The following PARM1 variants were observed in gnomAD, a reference collection of about 807,000 sequenced individuals.
PARM1 encodes the protein WSC4, cell wall integrity and stress response component 4 homolog.
PARM1 carries 14 observed loss-of-function variants against 24.6 expected under a neutral mutation model. The observed-to-expected ratio is 0.57, with a 90% CI of 0.38 to 0.89. PARM1 has a LOEUF of 0.89. Among genes scored for constraint, PARM1 ranks in the 40% least tolerant of loss-of-function variants. PARM1 has a pLI of 0.00. For synonymous variants in PARM1, 179 were observed against 156.6 expected (o/e 1.14, Z -1.07); for missense variants, 362 against 380.4 (o/e 0.95, Z 0.40).
intron 1 of PARM1, among the ~76,000 whole-genome samples, chr4:74,934,414 C>G (rs1033487860): frequency 1.8e-4 from 27 of 152,170 alleles, no homozygotes; most frequent in African/African-American, 6.3e-4. Context: ...TCGTCGGGTT[C>G]CTACAGTTGT....
Position 74,986,778 on chromosome 4 carries a change from T to G in PARM1, c.44-25647T>G, listed in dbSNP as rs186375733. Among the ~76,000 whole-genome samples the G allele has an allele frequency of 3.3e-3, 508 of 152,294 alleles. 6 individuals carry two copies. The highest frequency in any genetic ancestry group is 0.011 in the African/African-American group (473 of 41,566). On this transcript the variant is annotated intron_variant, in intron 1 of 3. Transcript: ENST00000307428. ...AAAATGACCTTCCTCATAATATCCA[T>G]GGCAGAAAGTTCAGACAAGTCTTAG...
chr4:74,948,793 C>T (rs772608349), intron 1 of PARM1, among the ~76,000 whole-genome samples: 5 of 152,108 alleles, frequency 3.3e-5, no homozygotes, highest in Non-Finnish European at 7.3e-5. Context: ...GAGGCCGAGG[C>T]GGGTGGATCA....
intron 3 of PARM1, among the ~76,000 whole-genome samples, chr4:75,044,046 CA>C (rs33982391): frequency 0.028 from 3,798 of 135,848 alleles, 173 homozygotes; most frequent in African/African-American, 0.094. Context: ...TAGTTCTTTG[CA>C]AAAAAAAAAA....
chr4:74,960,227 A>G (rs574687414), intron 1 of PARM1, among the ~76,000 whole-genome samples: 1 of 152,326 alleles, frequency 6.6e-6, no homozygotes, highest in African/African-American at 2.4e-5. Flanking sequence ...TCACGTTGCA[A>G]GCCCTTCTCC....
chr4:75,012,994 A>T lies in PARM1; in HGVS notation c.613A>T (p.Thr205Ser). The T allele has an allele frequency of 6.2e-7, 1 of 1,613,888 alleles. No homozygotes were observed. The change falls in exon 2 of 4, where the codon ACA becomes TCA. Residue 205 changes from threonine (T) to serine (S), a missense_variant. Physicochemically the swap from Thr to Ser is moderately conservative, Grantham distance 58. Coordinates refer to ENST00000307428, the MANE Select transcript of PARM1 (RefSeq NM_015393.4). ...GACAGAGGAGTCCAGCTCTGACCAC[A>T]CACCCACTTCACATGCCACAGCTGA... ...SPTEESSSDH[T>S]PTSHATAEPV...
chr4:74,991,196 A>G (rs1200429986), intron 1 of PARM1, among the ~76,000 whole-genome samples: 1 of 152,180 alleles, frequency 6.6e-6, no homozygotes, highest in Admixed American at 6.5e-5. Flanking sequence ...AATGGGAAAT[A>G]TTTCCACCTC....
At chr4:74,974,317 A>G (rs990525175) in intron 1 of PARM1, among the ~76,000 whole-genome samples, 1 of 152,328 alleles carries the variant, frequency 6.6e-6, no homozygotes, top group African/African-American at 2.4e-5. Context: ...GTCCCAGTCA[A>G]GTTGACACAA....
In PARM1 at chr4:75,044,663, G is replaced by A. The variant is rs9992542; in HGVS notation, c.849-1500G>A. ...AAATATTAAGCTGGGAGTCTGGGGTGGGGGTTGAAAACTTAAATTGAATTG... is the reference window on the plus strand; with the variant it reads ...AAATATTAAGCTGGGAGTCTGGGGTAGGGGTTGAAAACTTAAATTGAATTG... On this transcript the variant is annotated intron_variant, in intron 3 of 3. Transcript: ENST00000307428. Among the ~76,000 whole-genome samples, 614 of 152,264 alleles carry A rather than the reference G, an allele frequency of 4.0e-3. 4 individuals carry two copies. Among genetic ancestry groups the A allele is most frequent in the African/African-American group, 0.013 (557 of 41,550 alleles).
At chr4:75,016,675 G>A (rs888969359) in intron 2 of PARM1, among the ~76,000 whole-genome samples, 5 of 152,188 alleles carry the variant, frequency 3.3e-5, no homozygotes, top group Admixed American at 6.5e-5. Context: ...TCTGCTCGAC[G>A]TTCAGAGTGT....
chr4:75,048,845 A>T lies in PARM1; in HGVS notation c.*2598A>T, dbSNP rs561186747. ...ACACTTCTTATCTTATGTGAGAATA[A>T]AATATTTAAGGGTTGAACCTTATTT... On this transcript the variant is annotated 3_prime_UTR_variant, in exon 4 of 4. Coordinates refer to ENST00000307428, the MANE Select transcript of PARM1 (RefSeq NM_015393.4). The T allele has an allele frequency of 6.5e-6, 1 of 152,764 alleles. No homozygotes were observed. The highest frequency in any genetic ancestry group is 2.1e-4 in the South Asian group (1 of 4,824). The allele number at this position is 152,764 out of a possible 1,614,324, so 9.5% of individuals were successfully genotyped here.
intron 1 of PARM1, among the ~76,000 whole-genome samples, chr4:74,990,443 G>T (rs1049724576): frequency 6.6e-6 from 1 of 152,140 alleles, no homozygotes; most frequent in Non-Finnish European, 1.5e-5. Context: ...GGATTAGTGA[G>T]CTCCTCCAAA....
chr4:75,042,742 G>T (rs1330525360), intron 3 of PARM1, among the ~76,000 whole-genome samples: 1 of 151,928 alleles, frequency 6.6e-6, no homozygotes, highest in Non-Finnish European at 1.5e-5. Context: ...AAATGTGTTT[G>T]TCTTACTCTT....
chr4:74,947,103 G>A (rs1377993511), intron 1 of PARM1, among the ~76,000 whole-genome samples: 2 of 152,226 alleles, frequency 1.3e-5, no homozygotes, highest in African/African-American at 4.8e-5. Flanking sequence ...ATCAGTGGCT[G>A]CCAACACCGT....
At chr4:74,935,051 TC>T (rs1721150936) in intron 1 of PARM1, among the ~76,000 whole-genome samples, 1 of 147,572 alleles carries the variant, frequency 6.8e-6, no homozygotes, top group African/African-American at 2.5e-5. Flanking sequence ...GCTCCGCTAT[TC>T]CGGGAGGAAT....
intron 3 of PARM1, among the ~76,000 whole-genome samples, chr4:75,036,379 A>T (rs1456454187): frequency 6.6e-6 from 1 of 152,204 alleles, no homozygotes; most frequent in African/African-American, 2.4e-5. Context: ...CCTCAGTTCA[A>T]ATCCTGGCTC....
chr4:75,049,644 C>T lies in PARM1; in HGVS notation c.*3397C>T, dbSNP rs1444185746. On this transcript the variant is annotated 3_prime_UTR_variant, in exon 4 of 4. Transcript: ENST00000307428. ...AGATTAGGGAAAACAGGATGGATAC[C>T]TGAGCACTAACAGCAGTAGACGTAG... is the stretch of plus-strand genomic sequence containing the variant. 6.6e-6 allele frequency: 1 copy of T among 152,600 alleles called. No individual in the cohort carries two copies. The highest frequency in any genetic ancestry group is 1.9e-4 in the East Asian group (1 of 5,186). The allele number at this position is 152,600 out of a possible 1,614,324, so 9.5% of individuals were successfully genotyped here.
chr4:75,036,293 A>T (rs1293722945), intron 3 of PARM1, among the ~76,000 whole-genome samples: 1 of 152,168 alleles, frequency 6.6e-6, no homozygotes, highest in Non-Finnish European at 1.5e-5. Flanking sequence ...CAAGTTTACC[A>T]CCTCTAAACC....
intron 1 of PARM1, chr4:74,967,829 G>T (rs2109993051): frequency 6.6e-6 from 1 of 152,296 alleles, no homozygotes; most frequent in Admixed American, 6.5e-5. Context: ...TTGGCAAAAT[G>T]TAACCATTAT....
intron 1 of PARM1, chr4:74,966,940 A>G (rs1449602964): frequency 6.6e-6 from 1 of 152,134 alleles, no homozygotes; most frequent in African/African-American, 2.4e-5. Flanking sequence ...TTGGCATGTG[A>G]TTTTACAGAT....
Sources: gnomAD v4.1 joint callset for allele counts (sites outside exome capture counted in the v4.1 genomes callset) on GRCh38, gnomAD v4.1.1 for gene constraint, MANE v1.5 for transcripts, NCBI Gene and HGNC (gene_info 2026-07-23, HGNC 2026-07-21) for gene names.